RASL10A: variants seen among roughly 807,000 people sequenced by gnomAD.
The protein encoded by RASL10A is ras-like protein family member 10A.
In RASL10A, 13 loss-of-function variants were observed where a neutral mutation model predicts 17.3. The observed-to-expected ratio is 0.75, with a 90% CI of 0.49 to 1.20. The LOEUF (loss-of-function observed/expected upper bound fraction) is 1.20. Ranked by LOEUF, RASL10A falls within the 50% of genes most tolerant of loss-of-function variation. The pLI, the probability that RASL10A is intolerant of heterozygous loss-of-function variation, is 0.00. For missense variants in RASL10A, 307 were observed against 310.3 expected (o/e 0.99, Z 0.08); for synonymous variants, 159 against 142.2 (o/e 1.12, Z -0.84).
upstream of RASL10A, chr22:29,315,736 G>T (rs925800159): frequency 6.6e-6 from 1 of 152,174 alleles, no homozygotes; most frequent in Non-Finnish European, 1.5e-5. This position sits in a 1 kb window ranked among gnomAD's most constrained non-coding sequence, Gnocchi z 5.5. Flanking sequence ...GGGGCCTCCC[G>T]GAGGCGGCGA....
chr22:29,317,546 TG>T (rs1438694056), upstream of RASL10A, among the ~76,000 whole-genome samples: 1 of 152,216 alleles, frequency 6.6e-6, no homozygotes, highest in Non-Finnish European at 1.5e-5. Context: ...GCCAAACTTC[TG>T]GGTTTTTGAC....
intron 1 of RASL10A, 194 bp from the exon 2 acceptor site, chr22:29,314,181 G>C: frequency 1.6e-6 from 1 of 645,008 alleles, no homozygotes; most frequent in South Asian, 2.1e-5. Context: ...CCTGGAGCCT[G>C]TCAGCCAGCC....
At chr22:29,317,533 C>T (rs1226232689), upstream of RASL10A, among the ~76,000 whole-genome samples, 2 of 152,194 alleles carry the variant, frequency 1.3e-5, no homozygotes, top group Admixed American at 1.3e-4. Context: ...GCCACCACAT[C>T]TGGCCAAACT....
In RASL10A at chr22:29,313,294, G is replaced by C. The variant is rs1242112377; in HGVS notation, c.*7C>G. The C allele has an allele frequency of 2.0e-6, 3 of 1,495,186 alleles. No homozygotes were observed. The highest frequency in any genetic ancestry group is 2.7e-6 in the Non-Finnish European group (3 of 1,119,424). 92.6% of individuals were successfully genotyped at this position (1,495,186 alleles called of 1,614,324 possible). A position where few individuals can be genotyped will look rare whatever the true frequency, so the allele number is the denominator to read the frequency against. On this transcript the variant is annotated 3_prime_UTR_variant, in exon 3 of 3. Coordinates refer to ENST00000216101, the MANE Select transcript of RASL10A (RefSeq NM_006477.5). ...GTGGGGCCCATGGATGGCACTGTCCGATCGGGTCACATGAGGCTGCAGCGC... is the reference window on the plus strand; with the variant it reads ...GTGGGGCCCATGGATGGCACTGTCCCATCGGGTCACATGAGGCTGCAGCGC...
Position 29,313,302 on chromosome 22 carries a change from C to T in RASL10A, c.611G>A (p.Ter204=). 1 of 1,511,238 alleles carries T rather than the reference C, an allele frequency of 6.6e-7. No homozygotes were observed. Among genetic ancestry groups the T allele is most frequent in the Non-Finnish European group, 8.9e-7 (1 of 1,128,184 alleles). The allele number at this position is 1,511,238 out of a possible 1,614,324, so 93.6% of individuals were successfully genotyped here. A position where few individuals can be genotyped will look rare whatever the true frequency, so the allele number is the denominator to read the frequency against. ...ALHPARCSLM[*] ...CATGGATGGCACTGTCCGATCGGGTCACATGAGGCTGCAGCGCGCGGGATG... is the reference window on the plus strand; with the variant it reads ...CATGGATGGCACTGTCCGATCGGGTTACATGAGGCTGCAGCGCGCGGGATG... Residue 204 remains the stop codon, a stop_retained_variant, in exon 3 of 3, where the codon TGA becomes TAA. Transcript: ENST00000216101.
chr22:29,314,983 C>T (rs2147911948), intron 1 of RASL10A, 45 bp downstream of exon 1: 1 of 1,408,680 alleles, frequency 7.1e-7, no homozygotes, highest in Non-Finnish European at 9.3e-7. Context: ...AGCACGCACA[C>T]CCCTCACACT....
upstream of RASL10A, among the ~76,000 whole-genome samples, chr22:29,318,082 A>T (rs956518618): frequency 6.6e-6 from 1 of 152,058 alleles, no homozygotes; most frequent in Non-Finnish European, 1.5e-5. Flanking sequence ...TCTCCTTCCG[A>T]CACTGCAAAC....
rs1419726280 is a variant in RASL10A, at chr22:29,315,052, G to A, written c.195C>T (p.Pro65=). 2.6e-6 allele frequency: 4 copies of A among 1,515,726 alleles called. No homozygotes were observed. Among genetic ancestry groups the A allele is most frequent in the Non-Finnish European group, 3.5e-6 (4 of 1,136,386 alleles). 93.9% of individuals were successfully genotyped at this position (1,515,726 alleles called of 1,614,324 possible). Residue 65 remains proline, a synonymous_variant, in exon 1 of 3, where the codon CCC becomes CCT. Transcript: ENST00000216101. This position sits in a 1 kb window ranked among gnomAD's most constrained non-coding sequence, Gnocchi z 5.5. The part of the protein sequence containing the change: ...LSIRDGDVAG[P]GSSPGGPEEW... ...CCTCCGGACCCCCGGGGCTCGAGCC[G>A]GGGCCAGCGACGTCGCCGTCGCGGA...
Position 29,313,351 on chromosome 22 carries a change from C to G in RASL10A, c.562G>C (p.Ala188Pro), listed in dbSNP as rs74436393. ...ALVRARPAHP[A>P]LRLQGALHPA... ...TGCAGCGCCCCCTGCAGGCGCAGGG[C>G]CGGGTGTGCAGGGCGCGCGCGCACC... The change falls in exon 3 of 3, where the codon GCC (alanine) becomes CCC (proline). Residue 188 changes from alanine to proline, a missense_variant. Coordinates refer to ENST00000216101, the MANE Select transcript of RASL10A (RefSeq NM_006477.5). 1.3e-6 allele frequency: 2 copies of G among 1,540,918 alleles called. No homozygotes were observed. Among genetic ancestry groups the G allele is most frequent in the African/African-American group, 1.4e-5 (1 of 72,798 alleles).
chr22:29,316,564 A>C (rs1033788702), upstream of RASL10A, among the ~76,000 whole-genome samples: 2 of 152,110 alleles, frequency 1.3e-5, no homozygotes, highest in African/African-American at 4.8e-5. Context: ...CCCTCCCTCG[A>C]GCTAGTGGAG....
At position 29,313,675 on chromosome 22, in the gene RASL10A, C is replaced by A. The variant is rs565025838; in HGVS notation, c.345-107G>T. On this transcript the variant is annotated intron_variant, in intron 2 of 2. Transcript: ENST00000216101. ...TCCCTTCCTACGGCCAGAGACACCGCCCCCCCCGCCGCCCCAACGAAACCC... is the reference window on the plus strand; with the variant it reads ...TCCCTTCCTACGGCCAGAGACACCGACCCCCCCGCCGCCCCAACGAAACCC... The A allele has an allele frequency of 5.9e-6, 8 of 1,346,354 alleles. No individual in the cohort carries two copies. The South Asian group carries it at 1.2e-4, about 20-fold the overall frequency. 83.4% of individuals were successfully genotyped at this position (1,346,354 alleles called of 1,614,324 possible).
upstream of RASL10A, among the ~76,000 whole-genome samples, chr22:29,317,928 C>T (rs1169094325): frequency 6.6e-6 from 1 of 152,108 alleles, no homozygotes; most frequent in African/African-American, 2.4e-5. Flanking sequence ...TCAGGTGATC[C>T]ACCCGCCTCA....
At chr22:29,313,645 C>T in intron 2 of RASL10A, 77 bp from the exon 3 acceptor site, 1 of 1,443,532 alleles carries the variant, frequency 6.9e-7, no homozygotes. Context: ...CACACGCAGG[C>T]GCATTCCCTT....
At position 29,315,227 on chromosome 22, in the gene RASL10A, A is replaced by G; in HGVS notation, c.20T>C (p.Val7Ala). ...CACGCCCGGGGCGCCTAGAACGGCCACCCGCAGGCTACCCCCCATGGCCGG... is the reference window on the plus strand; with the variant it reads ...CACGCCCGGGGCGCCTAGAACGGCCGCCCGCAGGCTACCCCCCATGGCCGG... MGGSLR[V>A]AVLGAPGVGK... is the part of the protein sequence containing the mutation. Residue 7 changes from valine (V) to alanine (A), a missense_variant, in exon 1 of 3, where the codon GTG becomes GCG. Physicochemically the swap from Val to Ala is moderately conservative, Grantham distance 64 (BLOSUM62 0). Coordinates refer to ENST00000216101, the MANE Select transcript of RASL10A (RefSeq NM_006477.5). This position sits in a 1 kb window ranked among gnomAD's most constrained non-coding sequence, Gnocchi z 5.5. 6.6e-7 allele frequency: 1 copy of G among 1,512,442 alleles called. No individual in the cohort carries two copies. Among genetic ancestry groups the G allele is most frequent in the Admixed American group, 2.1e-5 (1 of 48,694 alleles). 93.7% of individuals were successfully genotyped at this position (1,512,442 alleles called of 1,614,324 possible).
In RASL10A at chr22:29,315,047, G is replaced by A. The variant is rs1180296991; in HGVS notation, c.200C>T (p.Ser67Leu). ...IRDGDVAGPGSSPGGPEEWPD... is the reference protein window; with the variant it reads ...IRDGDVAGPGLSPGGPEEWPD... The stretch of plus-strand genomic sequence containing the variant: ...CGCTACCTCCGGACCCCCGGGGCTC[G>A]AGCCGGGGCCAGCGACGTCGCCGTC... Residue 67 changes from serine to leucine, a missense_variant, in exon 1 of 3, where the codon TCG becomes TTG. Ser to Leu is a moderately radical substitution (Grantham distance 145, BLOSUM62 -2). Coordinates refer to ENST00000216101, the MANE Select transcript of RASL10A (RefSeq NM_006477.5). This position sits in a 1 kb window ranked among gnomAD's most constrained non-coding sequence, Gnocchi z 5.5. 9 of 1,512,914 alleles carry A rather than the reference G, an allele frequency of 5.9e-6. No individual in the cohort carries two copies. The highest frequency in any genetic ancestry group is 1.7e-4 in the Middle Eastern group (1 of 5,916). 93.7% of individuals were successfully genotyped at this position (1,512,914 alleles called of 1,614,324 possible).
chr22:29,313,048 A>T lies in RASL10A; in HGVS notation c.*253T>A. 1 of 433,778 alleles carries T rather than the reference A, an allele frequency of 2.3e-6. No homozygotes were observed. Among genetic ancestry groups the T allele is most frequent in the Non-Finnish European group, 4.0e-6 (1 of 250,166 alleles). 26.9% of individuals were successfully genotyped at this position (433,778 alleles called of 1,614,324 possible). A position where few individuals can be genotyped will look rare whatever the true frequency, so the allele number is the denominator to read the frequency against. On this transcript the variant is annotated 3_prime_UTR_variant, in exon 3 of 3. Coordinates refer to ENST00000216101, the MANE Select transcript of RASL10A (RefSeq NM_006477.5). ...TCAAGTTCATAGCCAAGTCCTTTCC[A>T]TCCAATGGGATTGTGACCCATTGAG...
chr22:29,318,256 T>C (rs2147915015), upstream of RASL10A, among the ~76,000 whole-genome samples: 1 of 152,292 alleles, frequency 6.6e-6, no homozygotes. Context: ...CAGTGCCCAT[T>C]TATCAAGGGC....
chr22:29,316,945 G>A (rs1396147229), upstream of RASL10A: 1 of 152,282 alleles, frequency 6.6e-6, no homozygotes, highest in African/African-American at 2.4e-5. Flanking sequence ...CCCAGGGGAA[G>A]TAGAGGAGCT....
upstream of RASL10A, among the ~76,000 whole-genome samples, chr22:29,317,557 CTT>C (rs1158946785): frequency 6.6e-6 from 1 of 152,164 alleles, no homozygotes; most frequent in Non-Finnish European, 1.5e-5. Flanking sequence ...GGGTTTTTGA[CTT>C]TTCAGGCTTC....
Sources: gnomAD v4.1 joint callset for allele counts (sites outside exome capture counted in the v4.1 genomes callset) on GRCh38, gnomAD v4.1.1 for gene constraint, Gnocchi (gnomAD v3.1) non-coding constraint, MANE v1.5 for transcripts, NCBI Gene and HGNC (gene_info 2026-07-23, HGNC 2026-07-21) for gene names.